The following SETD2 variants were observed in gnomAD, a reference collection of about 807,000 sequenced individuals.
SETD2 encodes the protein histone-lysine N-methyltransferase SETD2.
A neutral mutation model predicts 242.1 loss-of-function variants in SETD2; 31 were observed. That is an observed-to-expected ratio of 0.13 (90% CI 0.10 to 0.17). The LOEUF is 0.17. SETD2 is among the 10% of genes least tolerant of loss of function. The pLI, the probability that SETD2 is intolerant of heterozygous loss-of-function variation, is 1.00. For synonymous variants in SETD2, 1,006 were observed against 1,066.5 expected (o/e 0.94, Z 1.11); for missense variants, 2,481 against 3,046.3 (o/e 0.81, Z 4.37).
chr3:47,131,180 C>T (rs1253482003), intron 1 of SETD2, among the ~76,000 whole-genome samples: 1 of 151,870 alleles, frequency 6.6e-6, no homozygotes, highest in East Asian at 1.9e-4. Context: ...TTTTATCTAC[C>T]TTAGAAGAAA....
intron 17 of SETD2, among the ~76,000 whole-genome samples, chr3:47,041,206 C>G (rs911081288): frequency 1.3e-5 from 2 of 152,162 alleles, no homozygotes; most frequent in Admixed American, 6.5e-5. Flanking sequence ...TCTATCACAA[C>G]TACTCTGTCA....
At chr3:47,163,668 C>A in intron 1 of SETD2, 186 bp downstream of exon 1, 1 of 403,344 alleles carries the variant, frequency 2.5e-6, no homozygotes, top group Non-Finnish European at 4.0e-6. Flanking sequence ...AACCGCGGGC[C>A]TGCTGCGGCC....
At chr3:47,103,930 T>C (rs1254795021) in intron 6 of SETD2, among the ~76,000 whole-genome samples, 1 of 152,252 alleles carries the variant, frequency 6.6e-6, no homozygotes, top group Non-Finnish European at 1.5e-5. Flanking sequence ...CCATTTCTTA[T>C]ATTCTATTAC....
intron 1 of SETD2, among the ~76,000 whole-genome samples, chr3:47,153,508 G>A (rs2044047986): frequency 6.6e-6 from 1 of 152,206 alleles, no homozygotes; most frequent in South Asian, 2.1e-4. Context: ...CCAGTGCTTT[G>A]GGAGGCCGAG....
rs781005010 is a variant in SETD2, at chr3:47,113,978, T to A, written c.4613A>T (p.Tyr1538Phe). The A allele has an allele frequency of 6.2e-7, 1 of 1,612,802 alleles. No individual in the cohort carries two copies. Among genetic ancestry groups the A allele is most frequent in the Admixed American group, 1.7e-5 (1 of 59,714 alleles). Residue 1538 changes from tyrosine to phenylalanine, a missense_variant, in exon 5 of 21, where the codon TAT (tyrosine) becomes TTT (phenylalanine). Coordinates refer to ENST00000409792, the MANE Select transcript of SETD2 (RefSeq NM_014159.7). ...TCTCTGAAACCGTCTATTGGAACAA[T>A]AATCCCCATTTGGACACCGAGAAGA... The part of the protein sequence containing the change: ...ECSSRCPNGD[Y>F]CSNRRFQRKQ...
At chr3:47,061,571 A>T (rs2040331983) in intron 14 of SETD2, among the ~76,000 whole-genome samples, 1 of 152,254 alleles carries the variant, frequency 6.6e-6, no homozygotes, top group Non-Finnish European at 1.5e-5. Flanking sequence ...GGGAATGCAA[A>T]TAAAAATCAC....
chr3:47,077,638 C>G (rs2041147440), intron 12 of SETD2, among the ~76,000 whole-genome samples: 1 of 152,112 alleles, frequency 6.6e-6, no homozygotes, highest in Admixed American at 6.5e-5. Flanking sequence ...ACTGACGGGT[C>G]CTAGAAACAC....
intron 18 of SETD2, among the ~76,000 whole-genome samples, chr3:47,031,468 C>A (rs899173169): frequency 6.6e-6 from 1 of 152,164 alleles, no homozygotes; most frequent in East Asian, 1.9e-4. Flanking sequence ...AAGATAAATA[C>A]CTTTCTTCAG....
In SETD2 at chr3:47,046,352, T is replaced by TA. The variant is rs1167991188; in HGVS notation, c.7098+134dup. 7.6e-6 allele frequency: 5 copies of TA among 657,700 alleles called. No individual in the cohort carries two copies. The East Asian group carries it at 1.0e-4, about 13-fold the overall frequency. 40.7% of individuals were successfully genotyped at this position (657,700 alleles called of 1,614,324 possible). On this transcript the variant is annotated intron_variant, in intron 16 of 20. Transcript: ENST00000409792. ...ACTCTGTCTCAAAAAAAAAATAAAA[T>TA]AAAATAAAATAAAACAAAGAACACG...
At chr3:47,047,551 C>G (rs921194708) in intron 15 of SETD2, among the ~76,000 whole-genome samples, 1 of 152,020 alleles carries the variant, frequency 6.6e-6, no homozygotes, top group African/African-American at 2.4e-5. Flanking sequence ...GCTAAGTACT[C>G]AAAATACAAA....
At position 47,017,771 on chromosome 3, in the gene SETD2, A is replaced by C; in HGVS notation, c.7432-32T>G. 3 of 1,487,262 alleles carry C rather than the reference A, an allele frequency of 2.0e-6. No homozygotes were observed. Among genetic ancestry groups the C allele is most frequent in the Non-Finnish European group, 2.8e-6 (3 of 1,064,380 alleles). The allele number at this position is 1,487,262 out of a possible 1,614,324, so 92.1% of individuals were successfully genotyped here. A position where few individuals can be genotyped will look rare whatever the true frequency, so the allele number is the denominator to read the frequency against. ...GCAGAGAAAAGAGAACACGTTGCTCAACAGTCCAGAGAGGGCAAGGAGTTG... is the reference window on the plus strand; with the variant it reads ...GCAGAGAAAAGAGAACACGTTGCTCCACAGTCCAGAGAGGGCAAGGAGTTG... On this transcript the variant is annotated intron_variant, in intron 19 of 20. Transcript: ENST00000409792. The surrounding 1 kb of genome is among the most constrained non-coding windows in gnomAD (Gnocchi z 4.8).
intron 1 of SETD2, among the ~76,000 whole-genome samples, chr3:47,134,884 A>C (rs1054130445): frequency 1.1e-4 from 17 of 152,206 alleles, no homozygotes; most frequent in Non-Finnish European, 1.9e-4. Flanking sequence ...TCGGTCTCCC[A>C]AAGTGCTGGG....
chr3:47,046,388 A>AC, intron 16 of SETD2, 99 bp downstream of exon 16: 1 of 1,098,030 alleles, frequency 9.1e-7, no homozygotes, highest in Non-Finnish European at 1.2e-6. Context: ...TGAAAAAAAA[A>AC]CCCAAAAATA....
rs2039539616 is a variant in SETD2, at chr3:47,046,564, G to A, written c.7021C>T (p.Pro2341Ser). Residue 2341 changes from proline (P) to serine (S), a missense_variant, in exon 16 of 21, where the codon CCA (proline) becomes TCA (serine). Pro to Ser is a moderately conservative substitution (Grantham distance 74). Transcript: ENST00000409792. ...IQGQQIFTAHPQGVVVQPAAA... is the reference protein window; with the variant it reads ...IQGQQIFTAHSQGVVVQPAAA... ...GCTGGCTGTACCACCACTCCTTGTG[G>A]ATGAGCTGTGAAAATCTGTTGCCCC... is the stretch of plus-strand genomic sequence containing the variant. 1.9e-6 allele frequency: 3 copies of A among 1,613,308 alleles called. No individual in the cohort carries two copies. Among genetic ancestry groups the A allele is most frequent in the Admixed American group, 1.7e-5 (1 of 59,950 alleles).
At chr3:47,139,285 TTATCTG>T (rs1448532332) in intron 1 of SETD2, among the ~76,000 whole-genome samples, 41 of 152,292 alleles carry the variant, frequency 2.7e-4, no homozygotes, top group African/African-American at 9.1e-4. Context: ...CCTTTGACAA[TTATCTG>T]AATGTCTAGT....
intron 18 of SETD2, among the ~76,000 whole-genome samples, chr3:47,030,118 C>T (rs1033597315): frequency 1.3e-5 from 2 of 151,294 alleles, no homozygotes; most frequent in Non-Finnish European, 2.9e-5. Context: ...CACCGAACTC[C>T]AGCCTGGGCA....
At chr3:47,054,634 C>A (rs772566858) in intron 15 of SETD2, among the ~76,000 whole-genome samples, 4 of 152,128 alleles carry the variant, frequency 2.6e-5, no homozygotes, top group Non-Finnish European at 5.9e-5. Context: ...TACACACACA[C>A]ACAAACAATT....
intron 6 of SETD2, among the ~76,000 whole-genome samples, chr3:47,103,907 C>T (rs2042313182): frequency 6.6e-6 from 1 of 152,174 alleles, no homozygotes; most frequent in South Asian, 2.1e-4. Flanking sequence ...GTGTCTCTCC[C>T]ATTTATCCTT....
chr3:47,055,343 G>A (rs929013047), intron 15 of SETD2, among the ~76,000 whole-genome samples: 1 of 152,180 alleles, frequency 6.6e-6, no homozygotes, highest in Admixed American at 6.5e-5. Flanking sequence ...AAGGGGTAAT[G>A]AGGAGTGCTG....
Sources: gnomAD v4.1 joint callset for allele counts (sites outside exome capture counted in the v4.1 genomes callset) on GRCh38, gnomAD v4.1.1 for gene constraint, Gnocchi (gnomAD v3.1) non-coding constraint, MANE v1.5 for transcripts, NCBI Gene and HGNC (gene_info 2026-07-23, HGNC 2026-07-21) for gene names.